FN3K: variants seen among roughly 807,000 people sequenced by gnomAD.
The protein encoded by FN3K is fructosamine 3 kinase.
In FN3K, 24 loss-of-function variants were observed where a neutral mutation model predicts 24.8. The ratio of observed to expected loss-of-function variants is 0.97; its 90% confidence interval spans 0.70 to 1.36. The LOEUF (loss-of-function observed/expected upper bound fraction) is 1.36. Ranked by LOEUF, FN3K falls within the 40% of genes most tolerant of loss-of-function variation. The probability of loss-of-function intolerance (pLI) is 0.00; values close to 1 mark genes in which losing one functional copy is unlikely to be tolerated. For missense variants in FN3K, 449 were observed against 416.7 expected, an observed-to-expected ratio of 1.08 and a Z score of -0.67; for synonymous variants, 192 against 175.2, an observed-to-expected ratio of 1.10 and a Z score of -0.76.
At chr17:82,738,116 G>A in intron 1 of FN3K, 1 of 227,818 alleles carries the variant, frequency 4.4e-6, no homozygotes, top group Non-Finnish European at 9.0e-6. Flanking sequence ...TGCTGTGGCT[G>A]CCCCACCCTA....
chr17:82,750,706 G>A lies in FN3K; in HGVS notation c.881G>A (p.Arg294Gln). ...NYLNHWNHFG[R>Q]EYRSPSLGTM... ...CTGAACCACTGGAACCACTTCGGGC[G>A]GGAGTACAGGAGCCCTTCCTTGGGC... The change falls in exon 6 of 6, where the codon CGG becomes CAG. Residue 294 changes from arginine (R) to glutamine (Q), a missense_variant. By Grantham distance (43) the Arg-to-Gln change is conservative (BLOSUM62 1). Coordinates refer to ENST00000300784, the MANE Select transcript of FN3K (RefSeq NM_022158.4). 2 of 1,613,698 alleles carry A rather than the reference G, an allele frequency of 1.2e-6. No individual in the cohort carries two copies. The highest frequency in any genetic ancestry group is 1.3e-5 in the African/African-American group (1 of 75,018).
rs369330910 is a variant in FN3K at position 82,738,615 on chromosome 17, C to T, written c.268C>T (p.His90Tyr). The T allele has an allele frequency of 2.5e-6, 4 of 1,613,934 alleles. No homozygotes were observed. The highest frequency in any genetic ancestry group is 3.4e-6 in the Non-Finnish European group (4 of 1,180,008). ...AGGTGGGGCCGCCTTTGTGATGGAGCATTTGAAGATGAAGAGCTTGAGCAG... is the reference window on the plus strand; with the variant it reads ...AGGTGGGGCCGCCTTTGTGATGGAGTATTTGAAGATGAAGAGCTTGAGCAG... Reference protein sequence around the residue: ...PGGGAAFVMEHLKMKSLSSQA... With the variant: ...PGGGAAFVMEYLKMKSLSSQA... Residue 90 changes from histidine to tyrosine, a missense_variant, in exon 2 of 6, where the codon CAT (histidine) becomes TAT (tyrosine). His to Tyr is a moderately conservative substitution (Grantham distance 83). Transcript: ENST00000300784.
chr17:82,736,658 G>A (rs1392239778), intron 1 of FN3K, among the ~76,000 whole-genome samples: 2 of 152,180 alleles, frequency 1.3e-5, no homozygotes, highest in Non-Finnish European at 2.9e-5. Flanking sequence ...GGGCTCAGAA[G>A]GCCCTGCACA....
At chr17:82,747,671 T>A (rs746511863) in intron 4 of FN3K, among the ~76,000 whole-genome samples, 6 of 152,234 alleles carry the variant, frequency 3.9e-5, no homozygotes, top group Non-Finnish European at 7.3e-5. Flanking sequence ...AGTGTTGGGA[T>A]TATGGGCGTG....
chr17:82,739,574 C>G (rs1442516235), intron 2 of FN3K, among the ~76,000 whole-genome samples: 1 of 151,680 alleles, frequency 6.6e-6, no homozygotes, highest in Non-Finnish European at 1.5e-5. Flanking sequence ...TCTCCTGCCT[C>G]AGCCTCCCGA....
At chr17:82,745,087 G>C (rs12452572) in intron 4 of FN3K, 1 of 153,072 alleles carries the variant, frequency 6.5e-6, no homozygotes, top group East Asian at 1.9e-4. Context: ...TATGGGTGTC[G>C]GGCTGGGGGA....
At chr17:82,736,821 T>G (rs906159068) in intron 1 of FN3K, among the ~76,000 whole-genome samples, 1 of 151,918 alleles carries the variant, frequency 6.6e-6, no homozygotes, top group Admixed American at 6.6e-5. Flanking sequence ...AAGTGGGGAG[T>G]CCTACTCACA....
intron 4 of FN3K, among the ~76,000 whole-genome samples, chr17:82,747,189 T>C (rs1362167568): frequency 6.6e-6 from 1 of 152,234 alleles, no homozygotes; most frequent in African/African-American, 2.4e-5. Flanking sequence ...AGGTCATTAC[T>C]GTGAGATCTT....
rs777556748 is a variant in FN3K, at chr17:82,750,654, C to G, written c.829C>G (p.Leu277Val). The change falls in exon 6 of 6, where the codon CTG (leucine) becomes GTG (valine). Residue 277 changes from leucine (L) to valine (V), a missense_variant. Transcript: ENST00000300784. Reference protein sequence around the residue: ...IPKAPGFDQRLLLYQLFNYLN... With the variant: ...IPKAPGFDQRVLLYQLFNYLN... ...CAAGGCTCCGGGCTTCGACCAGCGGCTGCTGCTCTACCAGCTGTTTAACTA... is the reference window on the plus strand; with the variant it reads ...CAAGGCTCCGGGCTTCGACCAGCGGGTGCTGCTCTACCAGCTGTTTAACTA... 5.0e-6 allele frequency: 8 copies of G among 1,613,876 alleles called. No individual in the cohort carries two copies. The African/African-American group carries it at 1.1e-4, about 22-fold the overall frequency.
At chr17:82,740,977 A>C (rs2046938091) in intron 3 of FN3K, 123 bp downstream of exon 3, 1 of 722,282 alleles carries the variant, frequency 1.4e-6, no homozygotes, top group Admixed American at 2.2e-5. Context: ...CTGTCTTTAC[A>C]CTACATTATG....
In FN3K at chr17:82,750,738, C is replaced by T. The variant is rs1171853283; in HGVS notation, c.913C>T (p.Arg305Ter). 3.7e-6 allele frequency: 6 copies of T among 1,612,746 alleles called. No homozygotes were observed. The highest frequency in any genetic ancestry group is 3.4e-6 in the Non-Finnish European group (4 of 1,179,876). ...EYRSPSLGTM[R>*]RLLK is the part of the protein sequence containing the mutation. ...CAGGAGCCCTTCCTTGGGCACCATGCGAAGGCTGCTCAAGTAGCGGCCCCT... is the reference window on the plus strand; with the variant it reads ...CAGGAGCCCTTCCTTGGGCACCATGTGAAGGCTGCTCAAGTAGCGGCCCCT... Residue 305 changes from arginine (R) to a stop codon, truncating the protein, a stop_gained, in exon 6 of 6, where the codon CGA becomes TGA. Transcript: ENST00000300784. LOFTEE classifies it high-confidence loss of function.
At position 82,750,898 on chromosome 17, in the gene FN3K, A is replaced by ATCCTCCTGTCCCCGTCCCCCCG; in HGVS notation, c.*147_*168dup. On this transcript the variant is annotated 3_prime_UTR_variant, in exon 6 of 6. Coordinates refer to ENST00000300784, the MANE Select transcript of FN3K (RefSeq NM_022158.4). Reference sequence around the variant, plus strand: ...TCCGTCTCCATCCCCCCGTCCCCCCATCCTCCTGTCCCCGTCCCCCCGTCC... The same window carrying ATCCTCCTGTCCCCGTCCCCCCG: ...TCCGTCTCCATCCCCCCGTCCCCCCATCCTCCTGTCCCCGTCCCCCCGTCCTCCTGTCCCCGTCCCCCCGTCC... 3.8e-6 allele frequency: 1 copy of ATCCTCCTGTCCCCGTCCCCCCG among 264,664 alleles called. No individual in the cohort carries two copies. Among genetic ancestry groups the ATCCTCCTGTCCCCGTCCCCCCG allele is most frequent in the Non-Finnish European group, 6.6e-6 (1 of 152,194 alleles). 16.4% of individuals were successfully genotyped at this position (264,664 alleles called of 1,614,324 possible). A position where few individuals can be genotyped will look rare whatever the true frequency, so the allele number is the denominator to read the frequency against.
intron 1 of FN3K, 34 bp downstream of exon 1, chr17:82,735,811 G>C (rs1330440171): frequency 6.5e-7 from 1 of 1,543,978 alleles, no homozygotes; most frequent in South Asian, 1.2e-5. Flanking sequence ...GGCTCTGCGG[G>C]TCTCTGCGGG....
In FN3K at chr17:82,735,725, C is replaced by T. The variant is rs1002624232; in HGVS notation, c.89C>T (p.Ala30Val). 7 of 1,556,948 alleles carry T rather than the reference C, an allele frequency of 4.5e-6. No homozygotes were observed. The African/African-American group carries it at 9.5e-5, about 21-fold the overall frequency. The change falls in exon 1 of 6, where the codon GCC becomes GTC. Residue 30 changes from alanine to valine, a missense_variant. Coordinates refer to ENST00000300784, the MANE Select transcript of FN3K (RefSeq NM_022158.4). ...PGAGCISEGR[A>V]YDTDAGPVFV... ...GCCGGCTGCATCAGCGAGGGCCGAG[C>T]CTACGACACGGACGCAGGCCCAGTG...
At chr17:82,742,803 C>T (rs1298290405) in intron 4 of FN3K, 5 of 442,712 alleles carry the variant, frequency 1.1e-5, no homozygotes, top group African/African-American at 2.0e-5. Context: ...GTCACTGCTT[C>T]TTGAAGAGAG....
At chr17:82,746,256 C>T (rs1366490889) in intron 4 of FN3K, among the ~76,000 whole-genome samples, 1 of 152,122 alleles carries the variant, frequency 6.6e-6, no homozygotes, top group Non-Finnish European at 1.5e-5. Context: ...GAAATATTAT[C>T]TCACTGAGGT....
At chr17:82,747,913 A>C (rs2046977360) in intron 4 of FN3K, among the ~76,000 whole-genome samples, 1 of 152,206 alleles carries the variant, frequency 6.6e-6, no homozygotes, top group African/African-American at 2.4e-5. Flanking sequence ...ATTAGGGGTT[A>C]GGGCTTCAAC....
At position 82,750,666 on chromosome 17, in the gene FN3K, C is replaced by A; in HGVS notation, c.841C>A (p.Gln281Lys). Residue 281 changes from glutamine to lysine, a missense_variant, in exon 6 of 6, where the codon CAG becomes AAG. By Grantham distance (53) the Gln-to-Lys change is moderately conservative. Transcript: ENST00000300784. The stretch of plus-strand genomic sequence containing the variant: ...CTTCGACCAGCGGCTGCTGCTCTAC[C>A]AGCTGTTTAACTACCTGAACCACTG... The part of the protein sequence containing the change: ...PGFDQRLLLY[Q>K]LFNYLNHWNH... The A allele has an allele frequency of 6.2e-7, 1 of 1,613,958 alleles. No individual in the cohort carries two copies. The highest frequency in any genetic ancestry group is 2.2e-5 in the East Asian group (1 of 44,870).
chr17:82,750,835 C>T lies in FN3K; in HGVS notation c.*80C>T, dbSNP rs1347755584. ...TGTCCCCCCGTCCCCCGTCCCTGTG[C>T]CCCCGTCCCTGTCCCCCTGTTCCCG... On this transcript the variant is annotated 3_prime_UTR_variant, in exon 6 of 6. Transcript: ENST00000300784. 16 of 1,107,208 alleles carry T rather than the reference C, an allele frequency of 1.4e-5. No homozygotes were observed. Among genetic ancestry groups the T allele is most frequent in the Admixed American group, 6.9e-5 (3 of 43,726 alleles). The allele number at this position is 1,107,208 out of a possible 1,614,324, so 68.6% of individuals were successfully genotyped here. A position where few individuals can be genotyped will look rare whatever the true frequency, so the allele number is the denominator to read the frequency against.
Sources: gnomAD v4.1 joint callset for allele counts (sites outside exome capture counted in the v4.1 genomes callset) on GRCh38, gnomAD v4.1.1 for gene constraint, MANE v1.5 for transcripts, NCBI Gene and HGNC (gene_info 2026-07-23, HGNC 2026-07-21) for gene names.